The following ADAM28 variants were observed in gnomAD, a reference collection of about 807,000 sequenced individuals.
ADAM28 encodes ADAM metallopeptidase domain 28.
In ADAM28, 105 loss-of-function variants were observed where a neutral mutation model predicts 101.2. The ratio of observed to expected loss-of-function variants is 1.04; its 90% CI spans 0.89 to 1.22. The LOEUF (loss-of-function observed/expected upper bound fraction) is 1.22, where lower values mean the gene tolerates loss of function less well. ADAM28 is among the 50% of genes most tolerant of loss of function. ADAM28 has a pLI of 0.00. For missense variants in ADAM28, 1,028 were observed against 945.4 expected, an observed-to-expected ratio of 1.09 and a Z score of -1.15; for synonymous variants, 322 against 310.6, an observed-to-expected ratio of 1.04 and a Z score of -0.39.
At chr8:24,314,845 T>C (rs1247016575) in intron 6 of ADAM28, among the ~76,000 whole-genome samples, 6 of 151,202 alleles carry the variant, frequency 4.0e-5, no homozygotes, top group African/African-American at 1.5e-4. Context: ...TTTTTATACA[T>C]GACTGAAGTT....
intron 1 of ADAM28, among the ~76,000 whole-genome samples, chr8:24,296,497 A>T (rs890050731): frequency 6.6e-6 from 1 of 152,204 alleles, no homozygotes; most frequent in African/African-American, 2.4e-5. Flanking sequence ...AACACATTTG[A>T]ACGAAAATGA....
At chr8:24,314,694 T>C (rs1361218501) in intron 6 of ADAM28, among the ~76,000 whole-genome samples, 1 of 151,972 alleles carries the variant, frequency 6.6e-6, no homozygotes. Flanking sequence ...AGATCACATA[T>C]ATCTCTAGTA....
At chr8:24,306,375 TATATATATATTTAA>T (rs1809668754) in intron 2 of ADAM28, among the ~76,000 whole-genome samples, 1 of 139,064 alleles carries the variant, frequency 7.2e-6, no homozygotes, top group Non-Finnish European at 1.5e-5. Flanking sequence ...TATATATATA[TATATATATATTTAA>T]AAATATATAT....
intron 16 of ADAM28, 182 bp from the exon 17 acceptor site, chr8:24,342,919 T>C: frequency 4.6e-6 from 5 of 1,082,210 alleles, no homozygotes; most frequent in South Asian, 2.1e-5. Context: ...ATCAACCTTT[T>C]TGGGTTGGTT....
At chr8:24,301,521 C>T (rs1387806721) in intron 2 of ADAM28, among the ~76,000 whole-genome samples, 1 of 151,988 alleles carries the variant, frequency 6.6e-6, no homozygotes, top group South Asian at 2.1e-4. Context: ...CATATTTAGT[C>T]CTTTCAACAA....
intron 18 of ADAM28, among the ~76,000 whole-genome samples, chr8:24,345,039 A>C (rs1385688190): frequency 2.0e-5 from 3 of 150,392 alleles, no homozygotes; most frequent in Non-Finnish European, 3.0e-5. Context: ...AAAAAAAAAA[A>C]AAACAAGGCC....
intron 2 of ADAM28, among the ~76,000 whole-genome samples, chr8:24,300,436 A>G (rs572532201): frequency 6.6e-6 from 1 of 151,992 alleles, no homozygotes; most frequent in Non-Finnish European, 1.5e-5. Flanking sequence ...TTTTTTTTCC[A>G]GACAGAGTCT....
At position 24,335,592 on chromosome 8, in the gene ADAM28, G is replaced by A. The variant is rs768568505; in HGVS notation, c.1518G>A (p.Met506Ile). Reference sequence around the variant, plus strand: ...ATCACGGGAAGGGCCACTGCTTGATGGGGACATGCCCCACACTGCAGGAGC... The same window carrying A: ...ATCACGGGAAGGGCCACTGCTTGATAGGGACATGCCCCACACTGCAGGAGC... Reference protein sequence around the residue: ...PCHHGKGHCLMGTCPTLQEQC... With the variant: ...PCHHGKGHCLIGTCPTLQEQC... Residue 506 changes from methionine to isoleucine, a missense_variant, in exon 14 of 23, where the codon ATG becomes ATA. By Grantham distance (10) the Met-to-Ile change is conservative. Transcript: ENST00000265769. 9.3e-6 allele frequency: 15 copies of A among 1,613,368 alleles called. No individual in the cohort carries two copies. The highest frequency in any genetic ancestry group is 1.6e-4 in the Middle Eastern group (1 of 6,084).
chr8:24,305,855 A>G (rs1424198462), intron 2 of ADAM28, among the ~76,000 whole-genome samples: 3 of 152,062 alleles, frequency 2.0e-5, no homozygotes, highest in Non-Finnish European at 4.4e-5. Context: ...AAATAAATAT[A>G]ACTCTCCCAT....
At chr8:24,305,171 A>G (rs1809401475) in intron 2 of ADAM28, among the ~76,000 whole-genome samples, 2 of 151,548 alleles carry the variant, frequency 1.3e-5, no homozygotes, top group South Asian at 2.1e-4. Context: ...AGTCCCTCCC[A>G]TTTAGGGGAC....
At position 24,331,254 on chromosome 8, in the gene ADAM28, A is replaced by C. The variant is rs1434054039; in HGVS notation, c.1208A>C (p.Asp403Ala). ...CTCTTTAATGCTCCATTGCCTACAG[A>C]TATCATATCCACTCCAATTTGTGGG... ...NCLFNAPLPT[D>A]IISTPICGNQ... The change falls in exon 12 of 23, where the codon GAT becomes GCT. Residue 403 changes from aspartate (D) to alanine (A), a missense_variant. Asp to Ala is a moderately radical substitution (Grantham distance 126). Transcript: ENST00000265769. The C allele has an allele frequency of 1.2e-5, 19 of 1,613,002 alleles. No homozygotes were observed. Among genetic ancestry groups the C allele is most frequent in the Non-Finnish European group, 1.6e-5 (19 of 1,179,488 alleles).
intron 5 of ADAM28, among the ~76,000 whole-genome samples, chr8:24,312,723 A>G (rs1233086469): frequency 6.6e-6 from 1 of 152,014 alleles, no homozygotes; most frequent in Non-Finnish European, 1.5e-5. Flanking sequence ...TCCATAAGAA[A>G]AGAGACCATG....
intron 1 of ADAM28, among the ~76,000 whole-genome samples, chr8:24,295,388 TTAAAAATATATA>T (rs1471227607): frequency 6.6e-6 from 1 of 152,194 alleles, no homozygotes; most frequent in Non-Finnish European, 1.5e-5. Flanking sequence ...GCCTGAAATA[TTAAAAATATATA>T]TAAAACTCAT....
chr8:24,337,612 T>C (rs1814256974), intron 14 of ADAM28, among the ~76,000 whole-genome samples: 1 of 152,076 alleles, frequency 6.6e-6, no homozygotes, highest in Non-Finnish European at 1.5e-5. Context: ...GGAAATGGAG[T>C]AGACCTCTTA....
chr8:24,321,922 C>A (rs7011868), intron 8 of ADAM28, among the ~76,000 whole-genome samples: 14,248 of 151,844 alleles, frequency 0.094, 1,343 homozygotes, highest in African/African-American at 0.24. Flanking sequence ...TTAAATACTA[C>A]TTCTTAGTTT....
chr8:24,341,963 T>C (rs994284416), intron 16 of ADAM28, among the ~76,000 whole-genome samples: 1 of 152,150 alleles, frequency 6.6e-6, no homozygotes, highest in Non-Finnish European at 1.5e-5. Flanking sequence ...GCACTGACAT[T>C]AACATTCTCA....
In ADAM28 at chr8:24,355,830, C is replaced by G. The variant is rs1457350965; in HGVS notation, c.*1426C>G. 2 of 152,130 alleles carry G rather than the reference C, an allele frequency of 1.3e-5. No individual in the cohort carries two copies. Among genetic ancestry groups the G allele is most frequent in the Non-Finnish European group, 2.9e-5 (2 of 68,026 alleles). The allele number at this position is 152,130 out of a possible 1,614,324, so 9.4% of individuals were successfully genotyped here. ...TAAGCCATTTTGAATTGGATTTTCT[C>G]TCACTTTCAACAGAGATCATCCTAA... On this transcript the variant is annotated 3_prime_UTR_variant, in exon 23 of 23. Transcript: ENST00000265769.
Position 24,330,110 on chromosome 8 carries a change from A to T in ADAM28, c.1098A>T (p.Ala366=). The T allele has an allele frequency of 1.2e-6, 2 of 1,612,968 alleles. No individual in the cohort carries two copies. Among genetic ancestry groups the T allele is most frequent in the Non-Finnish European group, 1.7e-6 (2 of 1,179,250 alleles). Residue 366 remains alanine (A), a synonymous_variant, in exon 11 of 23, where the codon GCA becomes GCT. Transcript: ENST00000265769. ...CPSTICVMDK[A]LSFYIPTDFS... ...CTACAATATGTGTGATGGACAAAGC[A>T]CTGAGGTGAGGCTCTCTGGGCCCTG... is the stretch of plus-strand genomic sequence containing the variant.
At chr8:24,303,503 G>A (rs1490590428) in intron 2 of ADAM28, among the ~76,000 whole-genome samples, 3 of 152,096 alleles carry the variant, frequency 2.0e-5, no homozygotes, top group African/African-American at 2.4e-5. Context: ...TGGTCTATGT[G>A]TCTGTTTTGT....
Sources: gnomAD v4.1 joint callset for allele counts (sites outside exome capture counted in the v4.1 genomes callset) on GRCh38, gnomAD v4.1.1 for gene constraint, MANE v1.5 for transcripts, NCBI Gene and HGNC (gene_info 2026-07-23, HGNC 2026-07-21) for gene names.